Variants in RXFP2 observed in about 807,000 individuals in gnomAD.
RXFP2 encodes relaxin receptor 2.
In RXFP2, 68 loss-of-function variants were observed where a neutral mutation model predicts 88.6. The ratio of observed to expected loss-of-function variants is 0.77; its 90% confidence interval spans 0.63 to 0.94. The LOEUF (loss-of-function observed/expected upper bound fraction) is 0.94. Ranked by LOEUF, RXFP2 falls within the 40% of genes least tolerant of loss-of-function variation. RXFP2 has a pLI of 0.00. For synonymous variants in RXFP2, 329 were observed against 306.8 expected, an observed-to-expected ratio of 1.07 and a Z score of -0.76; for missense variants, 791 against 893.9, an observed-to-expected ratio of 0.88 and a Z score of 1.47.
intron 5 of RXFP2, among the ~76,000 whole-genome samples, chr13:31,772,388 G>A (rs950657674): frequency 1.3e-5 from 2 of 152,158 alleles, no homozygotes; most frequent in Non-Finnish European, 2.9e-5. Context: ...TTAGTTTCGG[G>A]TACATAAATT....
At chr13:31,755,886 C>T (rs1180443352) in intron 1 of RXFP2, among the ~76,000 whole-genome samples, 2 of 152,134 alleles carry the variant, frequency 1.3e-5, no homozygotes, top group East Asian at 3.9e-4. Context: ...AGAAAAGCAT[C>T]CAAAAGCCAC....
At chr13:31,795,160 T>A (rs918605804) in intron 16 of RXFP2, among the ~76,000 whole-genome samples, 1 of 151,992 alleles carries the variant, frequency 6.6e-6, no homozygotes, top group Non-Finnish European at 1.5e-5. Context: ...ACACTTTTTT[T>A]TTTTTTTGAG....
At chr13:31,771,729 T>C (rs1156544337) in intron 5 of RXFP2, among the ~76,000 whole-genome samples, 15 of 151,046 alleles carry the variant, frequency 9.9e-5, no homozygotes, top group Non-Finnish European at 1.0e-4. Flanking sequence ...AAAGTCCAGA[T>C]TGCAGTGAGC....
intron 1 of RXFP2, among the ~76,000 whole-genome samples, chr13:31,750,188 G>A (rs969085139): frequency 2.0e-5 from 3 of 152,028 alleles, no homozygotes; most frequent in East Asian, 1.9e-4. Context: ...GCCCATTTCC[G>A]TTTTCTCACA....
chr13:31,772,502 G>T, intron 5 of RXFP2, among the ~76,000 whole-genome samples: 1 of 152,072 alleles, frequency 6.6e-6, no homozygotes, highest in South Asian at 2.1e-4. Context: ...ATATTAAATG[G>T]GCTTATATCT....
intron 17 of RXFP2, among the ~76,000 whole-genome samples, chr13:31,799,301 T>A (rs755335899): frequency 1.3e-5 from 2 of 151,880 alleles, no homozygotes; most frequent in African/African-American, 2.4e-5. Flanking sequence ...AACCTCTGCC[T>A]CCCTGGTTCA....
rs1208993426 is a variant in RXFP2 at position 31,778,814 on chromosome 13, C to CT, written c.785+232dup. ...CCTCATTTTCCATTCCTTACCCCAT[C>CT]TAGATGCTATCCCTGACCCTCGTAT... On this transcript the variant is annotated intron_variant, in intron 9 of 17. Transcript: ENST00000298386. Among the ~76,000 whole-genome samples, 3 of 152,292 alleles carry CT rather than the reference C, an allele frequency of 2.0e-5. No homozygotes were observed. The East Asian group carries it at 5.8e-4, about 29-fold the overall frequency.
chr13:31,780,473 A>G (rs1295557251), intron 9 of RXFP2, among the ~76,000 whole-genome samples: 1 of 152,202 alleles, frequency 6.6e-6, no homozygotes, highest in Non-Finnish European at 1.5e-5. Context: ...ATCACAGTAT[A>G]TTGTGTGAAA....
intron 1 of RXFP2, 140 bp downstream of exon 1, chr13:31,739,846 A>C: frequency 1.5e-6 from 1 of 684,178 alleles, no homozygotes. Flanking sequence ...ATTTGTCATT[A>C]TCTTTCATTG....
Position 31,745,168 on chromosome 13 carries a change from TA to T in RXFP2, c.94+5475del, listed in dbSNP as rs774236947. Among the ~76,000 whole-genome samples, 1,301 of 139,744 alleles carry T rather than the reference TA, an allele frequency of 9.3e-3. 6 individuals are homozygous for T. Among genetic ancestry groups the T allele is most frequent in the East Asian group, 0.025 (123 of 4,962 alleles). 91.7% of individuals were successfully genotyped at this position (139,744 alleles called of 152,430 possible). On this transcript the variant is annotated intron_variant, in intron 1 of 17. Coordinates refer to ENST00000298386, the MANE Select transcript of RXFP2 (RefSeq NM_130806.5). ...CTGGGTGACAGAGTCAGACTCCATC[TA>T]AAAAAAAAAAAAGCTCTATCATCTC...
At chr13:31,793,125 T>C (rs1366158834) in intron 16 of RXFP2, 37 bp downstream of exon 16, 1 of 1,551,704 alleles carries the variant, frequency 6.4e-7, no homozygotes, top group Admixed American at 1.7e-5. Context: ...AAAAACATAA[T>C]TTTGCTAGAA....
At position 31,792,789 on chromosome 13, in the gene RXFP2, G is replaced by A. The variant is rs117847923; in HGVS notation, c.1487G>A (p.Arg496His). 7.4e-5 allele frequency: 120 copies of A among 1,614,098 alleles called. No individual in the cohort carries two copies. Among genetic ancestry groups the A allele is most frequent in the East Asian group, 1.6e-4 (7 of 44,882 alleles). ...ALLWMESVQC[R>H]LMGFLAMLST... ...CTGTGGATGGAGAGCGTGCAGTGCC[G>A]CCTCATGGGGTTCCTGGCCATGCTG... Residue 496 changes from arginine to histidine, a missense_variant, in exon 16 of 18, where the codon CGC becomes CAC. Coordinates refer to ENST00000298386, the MANE Select transcript of RXFP2 (RefSeq NM_130806.5).
chr13:31,802,586 G>C lies in RXFP2; in HGVS notation c.*181G>C, dbSNP rs978641472. 5 of 691,362 alleles carry C rather than the reference G, an allele frequency of 7.2e-6. No individual in the cohort carries two copies. In the East Asian group the frequency reaches 1.3e-4, roughly 18 times the overall value. The allele number at this position is 691,362 out of a possible 1,614,324, so 42.8% of individuals were successfully genotyped here. On this transcript the variant is annotated 3_prime_UTR_variant, in exon 18 of 18. Transcript: ENST00000298386. ...AGCTGTACTATCTACCAACCATGCT[G>C]AGGACAGCACCAAAGGTTCCTCTCC...
At chr13:31,750,478 C>G (rs749237422) in intron 1 of RXFP2, among the ~76,000 whole-genome samples, 2 of 152,186 alleles carry the variant, frequency 1.3e-5, no homozygotes, top group South Asian at 4.1e-4. Flanking sequence ...TGACTTTTGA[C>G]AGGTTTCTCT....
At chr13:31,747,116 C>T (rs940916387) in intron 1 of RXFP2, among the ~76,000 whole-genome samples, 13 of 152,224 alleles carry the variant, frequency 8.5e-5, no homozygotes, top group African/African-American at 3.1e-4. Flanking sequence ...AAATTGCCCT[C>T]CCTAAAAGCA....
chr13:31,763,901 T>C (rs1872421172), intron 3 of RXFP2, among the ~76,000 whole-genome samples: 1 of 152,174 alleles, frequency 6.6e-6, no homozygotes, highest in Admixed American at 6.6e-5. Context: ...TTAACATATA[T>C]GTATAGACAA....
In RXFP2 at chr13:31,788,137, G is replaced by GAAA. The variant is rs11434187; in HGVS notation, c.1074-974_1074-972dup. Among the ~76,000 whole-genome samples, 86 of 138,256 alleles carry GAAA rather than the reference G, an allele frequency of 6.2e-4. 1 individual carries two copies. The highest frequency in any genetic ancestry group is 8.7e-4 in the Non-Finnish European group (56 of 64,220). 90.7% of individuals were successfully genotyped at this position (138,256 alleles called of 152,430 possible). On this transcript the variant is annotated intron_variant, in intron 13 of 17. Coordinates refer to ENST00000298386, the MANE Select transcript of RXFP2 (RefSeq NM_130806.5). The stretch of plus-strand genomic sequence containing the variant: ...TGTAAGTCAAGGACAGAGCCAGAGA[G>GAAA]AAAAAAAAAAAAAGGAAAATTAAAC...
rs9532478 is a variant in RXFP2 at position 31,761,703 on chromosome 13, A to T, written c.242-21A>T. Reference sequence around the variant, plus strand: ...ATTTAGTTTCTAGAATAAGTGACACATCTCAATCACTATTTCACAGGTGAC... The same window carrying T: ...ATTTAGTTTCTAGAATAAGTGACACTTCTCAATCACTATTTCACAGGTGAC... On this transcript the variant is annotated intron_variant, in intron 2 of 17. Coordinates refer to ENST00000298386, the MANE Select transcript of RXFP2 (RefSeq NM_130806.5). The T allele has an allele frequency of 0.18, 273,755 of 1,550,826 alleles. 24,806 individuals are homozygous for T. The highest frequency in any genetic ancestry group is 0.23 in the East Asian group (10,434 of 44,460).
chr13:31,797,481 C>A, intron 17 of RXFP2, 62 bp downstream of exon 17: 1 of 1,198,762 alleles, frequency 8.3e-7, no homozygotes, highest in Non-Finnish European at 1.2e-6. Flanking sequence ...CTTCTTTTGA[C>A]AAGGCCAGAG....
Sources: allele counts gnomAD v4.1 joint callset (sites outside exome capture counted in the v4.1 genomes callset), GRCh38; gene constraint gnomAD v4.1.1; transcripts MANE v1.5; gene names NCBI Gene and HGNC (gene_info 2026-07-23, HGNC 2026-07-21).